Variants in TMEM131 observed in about 807,000 individuals in gnomAD.
TMEM131 encodes the protein 2610524E03Rik.
TMEM131 carries 66 observed loss-of-function variants against 211.6 expected under a neutral mutation model. The observed-to-expected ratio is 0.31, with a 90% CI of 0.26 to 0.38. The LOEUF is 0.38. TMEM131 is among the 10% of genes least tolerant of loss of function. The pLI, the probability that TMEM131 is intolerant of heterozygous loss-of-function variation, is 1.00. For synonymous variants in TMEM131, 844 were observed against 841.3 expected (o/e 1.00, Z -0.06); for missense variants, 2,036 against 2,299.3 (o/e 0.89, Z 2.34).
chr2:97,841,026 A>G (rs1683169810), intron 7 of TMEM131, among the ~76,000 whole-genome samples: 1 of 152,154 alleles, frequency 6.6e-6, no homozygotes, highest in Non-Finnish European at 1.5e-5. Flanking sequence ...AAAATATAGT[A>G]TTTTTCCTCC....
chr2:97,770,305 C>G (rs565727828), intron 33 of TMEM131, among the ~76,000 whole-genome samples: 2 of 152,230 alleles, frequency 1.3e-5, no homozygotes, highest in East Asian at 3.9e-4. Flanking sequence ...TACTTTCATC[C>G]TCGAGTTCAG....
At chr2:97,766,730 A>T (rs1679187611) in intron 33 of TMEM131, 128 bp from the exon 34 acceptor site, 1 of 1,141,808 alleles carries the variant, frequency 8.8e-7, no homozygotes, top group Admixed American at 2.1e-5. Context: ...CTGGGGCGTT[A>T]TCTACCCTTG....
intron 4 of TMEM131, among the ~76,000 whole-genome samples, chr2:97,884,240 CTTG>C (rs766351313): frequency 1.7e-4 from 26 of 152,112 alleles, no homozygotes; most frequent in Non-Finnish European, 3.4e-4. Flanking sequence ...GAATGTTCCT[CTTG>C]TTATCGATTT....
chr2:97,833,654 C>CT (rs11341582), intron 10 of TMEM131, among the ~76,000 whole-genome samples: 32 of 143,828 alleles, frequency 2.2e-4, no homozygotes, highest in East Asian at 1.0e-3. Context: ...AAAATATATA[C>CT]TTTTTTTTTT....
intron 1 of TMEM131, among the ~76,000 whole-genome samples, chr2:97,934,636 A>T (rs1441841345): frequency 2.0e-5 from 3 of 152,222 alleles, no homozygotes; most frequent in African/African-American, 7.2e-5. Flanking sequence ...TCAGTAACCA[A>T]GGCAGTGTGA....
intron 33 of TMEM131, among the ~76,000 whole-genome samples, chr2:97,768,173 T>C (rs1982336): frequency 0.36 from 55,266 of 152,126 alleles, 11,036 homozygotes; most frequent in Middle Eastern, 0.55. Context: ...GGGTTTCCGT[T>C]AGCCCAAATA....
intron 3 of TMEM131, among the ~76,000 whole-genome samples, chr2:97,889,232 G>A (rs1446012457): frequency 6.6e-6 from 1 of 152,024 alleles, no homozygotes; most frequent in Non-Finnish European, 1.5e-5. Flanking sequence ...TGCATATGTT[G>A]AACAGAAAAG....
At chr2:97,880,353 G>A (rs1357803909) in intron 4 of TMEM131, among the ~76,000 whole-genome samples, 1 of 152,134 alleles carries the variant, frequency 6.6e-6, no homozygotes, top group Non-Finnish European at 1.5e-5. Context: ...TGGGAAAAAC[G>A]ACATGATCAG....
At chr2:97,964,152 G>A (rs1678941270) in intron 1 of TMEM131, among the ~76,000 whole-genome samples, 1 of 152,090 alleles carries the variant, frequency 6.6e-6, no homozygotes, top group Non-Finnish European at 1.5e-5. Context: ...TGCAGTTAAA[G>A]GTCTTTCTCA....
chr2:97,984,271 G>A (rs941682599), intron 1 of TMEM131, among the ~76,000 whole-genome samples: 1 of 151,808 alleles, frequency 6.6e-6, no homozygotes, highest in East Asian at 1.9e-4. Context: ...AATTTTCCCA[G>A]TATTTCTACA....
chr2:97,760,795 G>C lies in TMEM131; in HGVS notation c.5009C>G (p.Pro1670Arg). The C allele has an allele frequency of 6.2e-7, 1 of 1,614,028 alleles. No individual in the cohort carries two copies. The highest frequency in any genetic ancestry group is 8.5e-7 in the Non-Finnish European group (1 of 1,179,896). Residue 1670 changes from proline to arginine, a missense_variant and splice_region_variant, in exon 37 of 41, where the codon CCA becomes CGA. Transcript: ENST00000186436. ...AAVTAGYDKSPGGNGFAKVSS... is the reference protein window; with the variant it reads ...AAVTAGYDKSRGGNGFAKVSS... ...GTCTCTGAAGCAAAGGCACTGACCTGGGCTCTTGTCGTAGCCAGCCGTGAC... is the reference window on the plus strand; with the variant it reads ...GTCTCTGAAGCAAAGGCACTGACCTCGGCTCTTGTCGTAGCCAGCCGTGAC...
intron 11 of TMEM131, among the ~76,000 whole-genome samples, chr2:97,821,880 A>T (rs555927812): frequency 2.6e-5 from 4 of 152,296 alleles, no homozygotes; most frequent in Admixed American, 1.3e-4. Flanking sequence ...GCCTGGAACC[A>T]TCTTCCACTT....
intron 1 of TMEM131, among the ~76,000 whole-genome samples, chr2:97,945,077 C>T (rs1189759916): frequency 6.6e-6 from 1 of 152,164 alleles, no homozygotes; most frequent in African/African-American, 2.4e-5. Context: ...TGTCCACTGA[C>T]TAATGAGCAG....
chr2:97,932,020 A>AT (rs1160688528), intron 1 of TMEM131, among the ~76,000 whole-genome samples: 3 of 146,490 alleles, frequency 2.0e-5, no homozygotes, highest in Non-Finnish European at 2.9e-5. Flanking sequence ...TCTGAAAAAC[A>AT]TAAGATAAGA....
chr2:97,826,839 A>C (rs1682411735), intron 11 of TMEM131, among the ~76,000 whole-genome samples: 1 of 152,206 alleles, frequency 6.6e-6, no homozygotes, highest in Non-Finnish European at 1.5e-5. Context: ...TTGCTGTCAG[A>C]GTAAACAAGG....
intron 1 of TMEM131, among the ~76,000 whole-genome samples, chr2:97,972,046 A>G (rs1385294369): frequency 6.6e-6 from 1 of 151,874 alleles, no homozygotes; most frequent in Middle Eastern, 3.2e-3. Context: ...CATCTCTACT[A>G]AAACTACAAA....
intron 1 of TMEM131, among the ~76,000 whole-genome samples, chr2:97,973,860 ACATCC>A (rs1393082286): frequency 2.0e-5 from 3 of 152,198 alleles, no homozygotes; most frequent in Non-Finnish European, 4.4e-5. Flanking sequence ...TAAAAGCAAG[ACATCC>A]CAGAATATCA....
intron 32 of TMEM131, among the ~76,000 whole-genome samples, chr2:97,772,757 C>T (rs942001376): frequency 2.6e-5 from 4 of 151,730 alleles, no homozygotes; most frequent in African/African-American, 7.3e-5. Context: ...ACTAGCTGGG[C>T]GTGGTGGCGC....
intron 5 of TMEM131, among the ~76,000 whole-genome samples, chr2:97,852,691 T>C (rs1281704448): frequency 1.3e-5 from 2 of 152,234 alleles, no homozygotes; most frequent in African/African-American, 4.8e-5. Context: ...GCTAAGATCA[T>C]TGATGAACGT....
Sources: gnomAD v4.1 joint callset for allele counts (sites outside exome capture counted in the v4.1 genomes callset) on GRCh38, gnomAD v4.1.1 for gene constraint, MANE v1.5 for transcripts, NCBI Gene and HGNC (gene_info 2026-07-23, HGNC 2026-07-21) for gene names.